Variants in MAGI1 observed in about 807,000 individuals in gnomAD.
MAGI1 encodes the protein membrane-associated guanylate kinase, WW and PDZ domain-containing protein 1.
A neutral mutation model predicts 139.9 loss-of-function variants in MAGI1; 58 were observed. That is an observed-to-expected ratio of 0.41 (90% CI 0.34 to 0.52). MAGI1 has a LOEUF of 0.52. MAGI1 is among the 20% of genes least tolerant of loss of function. MAGI1 has a pLI of 0.12. For synonymous variants in MAGI1, 812 were observed against 737.9 expected (o/e 1.10, Z -1.63); for missense variants, 1,874 against 1,901.6 (o/e 0.99, Z 0.27).
chr3:65,912,251 AAG>A (rs1491383785), intron 1 of MAGI1, among the ~76,000 whole-genome samples: 1 of 151,944 alleles, frequency 6.6e-6, no homozygotes, highest in East Asian at 1.9e-4. Context: ...AAAAAAAAAA[AAG>A]AGTTCTGCTT....
chr3:65,821,824 G>A lies in MAGI1; in HGVS notation c.314-199736C>T, dbSNP rs781749237. On this transcript the variant is annotated intron_variant, in intron 1 of 22. Coordinates refer to ENST00000402939, the MANE Select transcript of MAGI1 (RefSeq NM_001033057.2). ...AAGACAAGCAGCTAAGATACCAGAG[G>A]GCAGAGAGTGAGATGTCAGTGATGA... is the stretch of plus-strand genomic sequence containing the variant. Among the ~76,000 whole-genome samples the A allele has an allele frequency of 3.2e-4, 49 of 152,284 alleles. No individual in the cohort carries two copies. In the Middle Eastern group the frequency reaches 0.017, roughly 53 times the overall value.
At chr3:65,616,472 A>T (rs1397019803) in intron 2 of MAGI1, among the ~76,000 whole-genome samples, 3 of 152,240 alleles carry the variant, frequency 2.0e-5, no homozygotes, top group African/African-American at 7.2e-5. Context: ...TAGAGATGAC[A>T]TGATAGAGAA....
At chr3:65,542,340 C>T (rs1003019982) in intron 2 of MAGI1, among the ~76,000 whole-genome samples, 19 of 152,276 alleles carry the variant, frequency 1.2e-4, no homozygotes, top group African/African-American at 3.8e-4. Flanking sequence ...AATGGCCATA[C>T]TTTTCAAAGT....
intron 7 of MAGI1, among the ~76,000 whole-genome samples, chr3:65,445,972 G>A (rs1276829114): frequency 1.3e-5 from 2 of 152,154 alleles, no homozygotes; most frequent in African/African-American, 4.8e-5. Flanking sequence ...AGAATCTGGA[G>A]TGAATGCAAC....
rs142131363 is a variant in MAGI1 at position 65,982,261 on chromosome 3, A to G, written c.313+55735T>C. Among the ~76,000 whole-genome samples the G allele has an allele frequency of 4.1e-3, 620 of 152,292 alleles. 1 individual carries two copies. Among genetic ancestry groups the G allele is most frequent in the African/African-American group, 0.013 (546 of 41,574 alleles). Reference sequence around the variant, plus strand: ...AGGCTTCCATGATCCTCTCAGCCTGAGACTGGCCTGGGGTTTTAATTCCCA... The same window carrying G: ...AGGCTTCCATGATCCTCTCAGCCTGGGACTGGCCTGGGGTTTTAATTCCCA... On this transcript the variant is annotated intron_variant, in intron 1 of 22. Coordinates refer to ENST00000402939, the MANE Select transcript of MAGI1 (RefSeq NM_001033057.2).
At chr3:65,809,206 G>A (rs866188200) in intron 1 of MAGI1, among the ~76,000 whole-genome samples, 4 of 152,162 alleles carry the variant, frequency 2.6e-5, no homozygotes, top group Non-Finnish European at 5.9e-5. Context: ...AGACAGTGAC[G>A]ATGTGCTCTA....
intron 1 of MAGI1, among the ~76,000 whole-genome samples, chr3:65,934,869 A>T (rs1002170315): frequency 6.6e-6 from 1 of 152,052 alleles, no homozygotes; most frequent in Non-Finnish European, 1.5e-5. Context: ...GCACCAATTT[A>T]ATCTGCATTG....
intron 17 of MAGI1, among the ~76,000 whole-genome samples, chr3:65,378,857 C>T (rs113058686): frequency 0.056 from 8,468 of 151,974 alleles, 715 homozygotes; most frequent in East Asian, 0.32. Flanking sequence ...ACTTTTTGTA[C>T]TTTTAGTAGA....
chr3:65,660,115 GA>G (rs1371226607), intron 1 of MAGI1, among the ~76,000 whole-genome samples: 1 of 152,152 alleles, frequency 6.6e-6, no homozygotes, highest in African/African-American at 2.4e-5. Context: ...CAGCTTCAAA[GA>G]AAGTCCAACT....
chr3:65,494,966 A>G (rs1470074491), intron 2 of MAGI1, among the ~76,000 whole-genome samples: 1 of 152,262 alleles, frequency 6.6e-6, no homozygotes, highest in African/African-American at 2.4e-5. Flanking sequence ...TTTGCTTCTC[A>G]TAATCAGCAT....
chr3:65,400,750 A>ATTT lies in MAGI1; in HGVS notation c.2199+686_2199+688dup, dbSNP rs767598706. Among the ~76,000 whole-genome samples the ATTT allele has an allele frequency of 5.4e-3, 329 of 60,588 alleles. 39 individuals are homozygous for ATTT. The highest frequency in any genetic ancestry group is 6.8e-3 in the Non-Finnish European group (217 of 32,016). 39.7% of individuals were successfully genotyped at this position (60,588 alleles called of 152,430 possible). On this transcript the variant is annotated intron_variant, in intron 13 of 22. Transcript: ENST00000402939. The stretch of plus-strand genomic sequence containing the variant: ...GATTGGAAAGGACAGCAAAACATTG[A>ATTT]TTTTTTTTTTTTTTTTTTTTTTTTT...
At chr3:65,480,270 T>A (rs1249821833) in intron 3 of MAGI1, among the ~76,000 whole-genome samples, 2 of 151,884 alleles carry the variant, frequency 1.3e-5, no homozygotes, top group African/African-American at 2.4e-5. Flanking sequence ...CAGTGGATCA[T>A]GCCTCTAATA....
At chr3:65,960,437 A>G (rs2064366978) in intron 1 of MAGI1, among the ~76,000 whole-genome samples, 2 of 152,168 alleles carry the variant, frequency 1.3e-5, no homozygotes, top group South Asian at 4.1e-4. Flanking sequence ...CTTGGGGGAA[A>G]AGAACTGAAG....
At chr3:65,601,172 A>T (rs979505207) in intron 2 of MAGI1, among the ~76,000 whole-genome samples, 1 of 152,186 alleles carries the variant, frequency 6.6e-6, no homozygotes, top group African/African-American at 2.4e-5. Context: ...TTTTTCCACA[A>T]ATATTTATTG....
intron 1 of MAGI1, among the ~76,000 whole-genome samples, chr3:65,863,427 T>G (rs190463749): frequency 6.6e-6 from 1 of 152,344 alleles, no homozygotes; most frequent in Non-Finnish European, 1.5e-5. Flanking sequence ...CTTGGTATGT[T>G]GTATAGGGTA....
rs189684461 is a variant in MAGI1, at chr3:65,378,954, T to C, written c.2995+307A>G. Among the ~76,000 whole-genome samples the C allele has an allele frequency of 1.6e-3, 237 of 152,306 alleles. 1 individual carries two copies. In the South Asian group the frequency reaches 0.023, roughly 15 times the overall value. On this transcript the variant is annotated intron_variant, in intron 17 of 22. Coordinates refer to ENST00000402939, the MANE Select transcript of MAGI1 (RefSeq NM_001033057.2). ...TCCTCGGCCTCCCAAAGTGCTGGGA[T>C]TACAGGCGTGAGCAACAGCGCCCGG... is the stretch of plus-strand genomic sequence containing the variant.
chr3:65,694,923 T>G (rs2107582891), intron 1 of MAGI1, among the ~76,000 whole-genome samples: 1 of 152,344 alleles, frequency 6.6e-6, no homozygotes, highest in Admixed American at 6.5e-5. Flanking sequence ...AATTACTTTT[T>G]TTGTGTGTAT....
At chr3:65,917,586 A>C (rs1278051671) in intron 1 of MAGI1, among the ~76,000 whole-genome samples, 1 of 152,228 alleles carries the variant, frequency 6.6e-6, no homozygotes, top group East Asian at 1.9e-4. Context: ...CATCTAGACA[A>C]GGCAATATGA....
At chr3:65,359,545 A>C (rs1940579057) in intron 22 of MAGI1, 5 of 1,007,658 alleles carry the variant, frequency 5.0e-6, no homozygotes, top group Non-Finnish European at 5.9e-6. Context: ...CGGCAGTTAA[A>C]TTAAGTACAA....
Sources: gnomAD v4.1 joint callset for allele counts (sites outside exome capture counted in the v4.1 genomes callset) on GRCh38, gnomAD v4.1.1 for gene constraint, MANE v1.5 for transcripts, NCBI Gene and HGNC (gene_info 2026-07-23, HGNC 2026-07-21) for gene names.